GCAT: variants seen among roughly 807,000 people sequenced by gnomAD.
The protein encoded by GCAT is glycine C-acetyltransferase, also known as 2-amino-3-ketobutyrate coenzyme A ligase, mitochondrial.
Under a neutral mutation model 39.7 loss-of-function variants are expected in GCAT, and 26 were observed. That is an observed-to-expected ratio of 0.65 (90% CI 0.48 to 0.91). The LOEUF (loss-of-function observed/expected upper bound fraction) is 0.91. GCAT is among the 40% of genes least tolerant of loss of function. The pLI is 0.00. For missense variants in GCAT, 550 were observed against 576.2 expected (o/e 0.95, Z 0.47); for synonymous variants, 218 against 237.2 (o/e 0.92, Z 0.74).
rs919940856 is a variant in GCAT at position 37,812,936 on chromosome 22, A to G, written c.377A>G (p.Glu126Gly). The G allele has an allele frequency of 3.7e-6, 6 of 1,613,780 alleles. No homozygotes were observed. The highest frequency in any genetic ancestry group is 4.5e-5 in the East Asian group (2 of 44,894). ...EAKIARFHQR[E>G]DAILYPSCYD... is the part of the protein sequence containing the mutation. ...AAAATAGCCCGCTTCCACCAGCGGGAGGATGCCATCCTCTATCCCAGCTGT... is the reference window on the plus strand; with the variant it reads ...AAAATAGCCCGCTTCCACCAGCGGGGGGATGCCATCCTCTATCCCAGCTGT... Residue 126 changes from glutamate to glycine, a missense_variant, in exon 3 of 9, where the codon GAG (glutamate) becomes GGG (glycine). Transcript: ENST00000248924.
intron 1 of GCAT, among the ~76,000 whole-genome samples, chr22:37,809,395 G>A (rs1375616190): frequency 2.0e-5 from 3 of 152,176 alleles, no homozygotes; most frequent in East Asian, 1.9e-4. Context: ...TGCAGCAGGC[G>A]TCTGATCCAG....
intron 4 of GCAT, among the ~76,000 whole-genome samples, chr22:37,814,497 A>G (rs1330053462): frequency 6.6e-6 from 1 of 152,154 alleles, no homozygotes; most frequent in Non-Finnish European, 1.5e-5. Flanking sequence ...TCCTGACCTC[A>G]GGTGATCTAC....
In GCAT at chr22:37,813,533, G is replaced by C. The variant is rs773756902; in HGVS notation, c.500G>C (p.Arg167Pro). 3.7e-6 allele frequency: 6 copies of C among 1,613,312 alleles called. No homozygotes were observed. In the African/African-American group the frequency reaches 8.0e-5, roughly 22 times the overall value. The change falls in exon 4 of 9, where the codon CGG (arginine) becomes CCG (proline). Residue 167 changes from arginine (R) to proline (P), a missense_variant. By Grantham distance (103) the Arg-to-Pro change is moderately radical (BLOSUM62 -2). Around this residue, in one of 3 missense-constraint regions of GCAT, gnomAD observed 378 missense variants for 390.4 expected, o/e 0.97. Coordinates refer to ENST00000248924, the MANE Select transcript of GCAT (RefSeq NM_014291.4). ...CATGCCTCCATCATCGACGGCATCC[G>C]GCTGTGCAAGGCCCACAAGTACCGC... is the stretch of plus-strand genomic sequence containing the variant. ...LNHASIIDGI[R>P]LCKAHKYRYR...
Position 37,816,755 on chromosome 22 carries a change from A to C in GCAT, c.*37A>C. ...GGACGAGAAGAGCCAAGGTCCGCCT[A>C]CTGCCACAGGGTCAAAGGAGGTTTT... On this transcript the variant is annotated 3_prime_UTR_variant, in exon 9 of 9. Transcript: ENST00000248924. The C allele has an allele frequency of 6.2e-7, 1 of 1,609,296 alleles. No homozygotes were observed. Among genetic ancestry groups the C allele is most frequent in the African/African-American group, 1.3e-5 (1 of 74,966 alleles).
Position 37,807,955 on chromosome 22 carries a change from C to A in GCAT, c.-13C>A, listed in dbSNP as rs1420592501. 3 of 1,494,590 alleles carry A rather than the reference C, an allele frequency of 2.0e-6. No individual in the cohort carries two copies. The highest frequency in any genetic ancestry group is 5.7e-5 in the East Asian group (2 of 35,312). 92.6% of individuals were successfully genotyped at this position (1,494,590 alleles called of 1,614,324 possible). ...TCCCAGGCAGGCAGGCGCGCTCGGG[C>A]GAGGTAGGAGCGATGTGGCCTGGGA... On this transcript the variant is annotated 5_prime_UTR_variant, in exon 1 of 9. Coordinates refer to ENST00000248924, the MANE Select transcript of GCAT (RefSeq NM_014291.4).
At position 37,815,742 on chromosome 22, in the gene GCAT, G is replaced by A. The variant is rs531113445; in HGVS notation, c.894G>A (p.Leu298=). The change falls in exon 7 of 9, where the codon CTG becomes CTA. Residue 298 remains leucine (L), a synonymous_variant. Coordinates refer to ENST00000248924, the MANE Select transcript of GCAT (RefSeq NM_014291.4). ...RARPYLFSNS[L]PPAVVGCASK... ...GGCCATACCTCTTCTCCAACAGTCT[G>A]CCACCTGCTGTCGTTGGCTGCGCCT... is the stretch of plus-strand genomic sequence containing the variant. 193 of 1,613,596 alleles carry A rather than the reference G, an allele frequency of 1.2e-4. No individual in the cohort carries two copies. The highest frequency in any genetic ancestry group is 1.6e-4 in the Non-Finnish European group (186 of 1,179,836).
At position 37,815,138 on chromosome 22, in the gene GCAT, C is replaced by T. The variant is rs778368839; in HGVS notation, c.589C>T (p.Arg197Cys). Residue 197 changes from arginine to cysteine, a missense_variant, in exon 5 of 9, where the codon CGC (arginine) becomes TGC (cysteine). Around this residue, in one of 3 missense-constraint regions of GCAT, gnomAD observed 378 missense variants for 390.4 expected, o/e 0.97. Coordinates refer to ENST00000248924, the MANE Select transcript of GCAT (RefSeq NM_014291.4). Reference sequence around the variant, plus strand: ...GTCTTTCCTGCAGAAGCATCGGCTGCGCCTGGTGGCCACTGATGGGGCCTT... The same window carrying T: ...GTCTTTCCTGCAGAAGCATCGGCTGTGCCTGGTGGCCACTGATGGGGCCTT... Reference protein sequence around the residue: ...KLQEAQKHRLRLVATDGAFSM... With the variant: ...KLQEAQKHRLCLVATDGAFSM... The T allele has an allele frequency of 8.1e-6, 13 of 1,613,740 alleles. No individual in the cohort carries two copies. Among genetic ancestry groups the T allele is most frequent in the African/African-American group, 4.0e-5 (3 of 74,940 alleles).
intron 6 of GCAT, 75 bp downstream of exon 6, chr22:37,815,575 G>A: frequency 2.0e-6 from 3 of 1,490,720 alleles, no homozygotes; most frequent in South Asian, 2.3e-5. Context: ...GAAGTGGGGA[G>A]GGCAGCATGG....
At chr22:37,809,877 C>T (rs1921376374) in intron 1 of GCAT, 150 bp from the exon 2 acceptor site, 1 of 964,638 alleles carries the variant, frequency 1.0e-6, no homozygotes, top group Non-Finnish European at 1.6e-6. Context: ...GACGCTCCTT[C>T]TGTAGCTGTT....
Position 37,815,148 on chromosome 22 carries a change from C to T in GCAT, c.599C>T (p.Ala200Val). The change falls in exon 5 of 9, where the codon GCC (alanine) becomes GTC (valine). Residue 200 changes from alanine (A) to valine (V), a missense_variant. Coordinates refer to ENST00000248924, the MANE Select transcript of GCAT (RefSeq NM_014291.4). ...EAQKHRLRLVATDGAFSMDGD... is the reference protein window; with the variant it reads ...EAQKHRLRLVVTDGAFSMDGD... Reference sequence around the variant, plus strand: ...CAGAAGCATCGGCTGCGCCTGGTGGCCACTGATGGGGCCTTTTCCATGGAT... The same window carrying T: ...CAGAAGCATCGGCTGCGCCTGGTGGTCACTGATGGGGCCTTTTCCATGGAT... The T allele has an allele frequency of 1.2e-6, 2 of 1,614,030 alleles. No homozygotes were observed. Among genetic ancestry groups the T allele is most frequent in the Non-Finnish European group, 1.7e-6 (2 of 1,180,022 alleles).
chr22:37,815,866 G>C (rs779449799), intron 7 of GCAT, 32 bp downstream of exon 7: 8 of 1,609,656 alleles, frequency 5.0e-6, no homozygotes, highest in Non-Finnish European at 6.8e-6. Context: ...GCTCGGGGGC[G>C]GAGAGACGTG....
chr22:37,810,505 C>G (rs1921458778), intron 2 of GCAT, among the ~76,000 whole-genome samples: 1 of 145,638 alleles, frequency 6.9e-6, no homozygotes, highest in Non-Finnish European at 1.5e-5. Flanking sequence ...GCTACCACAC[C>G]CAGCTAATTT....
chr22:37,815,931 G>T, intron 7 of GCAT, 97 bp downstream of exon 7: 1 of 1,443,306 alleles, frequency 6.9e-7, no homozygotes. Context: ...TGTGCCCACC[G>T]GGTCTGCTTC....
At chr22:37,816,982 A>ATAC, downstream of GCAT, 1 of 419,956 alleles carries the variant, frequency 2.4e-6, no homozygotes. Context: ...CTCTGAGGGG[A>ATAC]GGCGCCTGAG....
At chr22:37,815,084 C>T in intron 4 of GCAT, 42 bp from the exon 5 acceptor site, 3 of 1,603,810 alleles carry the variant, frequency 1.9e-6, no homozygotes, top group Non-Finnish European at 2.6e-6. Flanking sequence ...TGGTTTGGCC[C>T]AACTTGACAC....
intron 1 of GCAT, 79 bp downstream of exon 1, chr22:37,808,242 G>A: frequency 8.5e-7 from 1 of 1,181,308 alleles, no homozygotes; most frequent in Non-Finnish European, 1.1e-6. Flanking sequence ...GTGGGGGTGG[G>A]CGGCTCCTAC....
intron 7 of GCAT, 78 bp from the exon 8 acceptor site, chr22:37,816,122 C>T: frequency 6.5e-7 from 1 of 1,540,094 alleles, no homozygotes; most frequent in African/African-American, 1.4e-5. Flanking sequence ...GGGCATAGAC[C>T]TCGGGCCTGG....
At chr22:37,815,967 T>C in intron 7 of GCAT, 133 bp downstream of exon 7, 2 of 1,043,040 alleles carry the variant, frequency 1.9e-6, no homozygotes, top group Non-Finnish European at 1.4e-6. Context: ...CTTCTCTCTG[T>C]CCCTGCCTCT....
In GCAT at chr22:37,807,976, T is replaced by G; in HGVS notation, c.9T>G (p.Pro3=). 6.5e-7 allele frequency: 1 copy of G among 1,533,742 alleles called. No individual in the cohort carries two copies. Among genetic ancestry groups the G allele is most frequent in the Non-Finnish European group, 8.7e-7 (1 of 1,143,048 alleles). ...CGGGCGAGGTAGGAGCGATGTGGCC[T>G]GGGAACGCCTGGCGCGCCGCACTCT... is the stretch of plus-strand genomic sequence containing the variant. The part of the protein sequence containing the change: MW[P]GNAWRAALFW... Residue 3 remains proline, a synonymous_variant, in exon 1 of 9, where the codon CCT becomes CCG. Coordinates refer to ENST00000248924, the MANE Select transcript of GCAT (RefSeq NM_014291.4).
Sources: allele counts gnomAD v4.1 joint callset (sites outside exome capture counted in the v4.1 genomes callset), GRCh38; gene constraint gnomAD v4.1.1; regional missense constraint gnomAD v4.1.1; transcripts MANE v1.5; gene names NCBI Gene and HGNC (gene_info 2026-07-23, HGNC 2026-07-21).